Variants in RBFOX1 observed in about 807,000 individuals in gnomAD.
RBFOX1 encodes RNA binding fox-1 homolog 1.
RBFOX1 carries 8 observed loss-of-function variants against 57.7 expected under a neutral mutation model. The observed-to-expected ratio is 0.14, with a 90% CI of 0.08 to 0.25. The LOEUF (loss-of-function observed/expected upper bound fraction) is 0.25. RBFOX1 is among the 10% of genes least tolerant of loss of function. The pLI is 1.00. For missense variants in RBFOX1, 611 were observed against 548.5 expected (o/e 1.11, Z -1.14); for synonymous variants, 326 against 222.4 (o/e 1.47, Z -4.15).
chr16:6,904,653 A>T lies in RBFOX1; in HGVS notation c.-15-147404A>T, dbSNP rs192074436. Among the ~76,000 whole-genome samples the T allele has an allele frequency of 2.7e-5, 4 of 150,400 alleles. No homozygotes were observed. In the East Asian group the frequency reaches 7.8e-4, roughly 29 times the overall value. On this transcript the variant is annotated intron_variant, in intron 3 of 15. Coordinates refer to ENST00000550418, the MANE Select transcript of RBFOX1 (RefSeq NM_018723.4). ...AGAAGAAGAAGAAAGAAAAATTCAT[A>T]CATCTTGTACCTGAGGACTGTTTGG...
At chr16:6,254,541 C>A (rs2097648499) in intron 1 of RBFOX1, among the ~76,000 whole-genome samples, 1 of 152,112 alleles carries the variant, frequency 6.6e-6, no homozygotes, top group South Asian at 2.1e-4. Context: ...CCATCTTGGG[C>A]AAGGTGACTA....
intron 3 of RBFOX1, among the ~76,000 whole-genome samples, chr16:6,939,262 G>C (rs2077910722): frequency 1.3e-5 from 2 of 152,094 alleles, no homozygotes; most frequent in African/African-American, 4.8e-5. Context: ...AAATATTGCA[G>C]ACATGAGTGT....
At chr16:6,155,693 C>T (rs1219082692) in intron 1 of RBFOX1, among the ~76,000 whole-genome samples, 2 of 152,172 alleles carry the variant, frequency 1.3e-5, no homozygotes, top group African/African-American at 4.8e-5. Context: ...ATGACCCAGA[C>T]TCAGACTCCT....
intron 3 of RBFOX1, among the ~76,000 whole-genome samples, chr16:6,727,985 C>G (rs1215890488): frequency 1.3e-5 from 2 of 152,140 alleles, no homozygotes; most frequent in Non-Finnish European, 2.9e-5. Context: ...TCTTTAAATT[C>G]CCTATCTGTA....
At chr16:5,704,371 G>A (rs902029354) in intron 3 of RBFOX1, among the ~76,000 whole-genome samples, 13 of 152,066 alleles carry the variant, frequency 8.5e-5, no homozygotes, top group African/African-American at 2.9e-4. Context: ...GTAGCACACA[G>A]AGGGGCCCTG....
At chr16:6,729,066 C>T (rs561183860) in intron 3 of RBFOX1, among the ~76,000 whole-genome samples, 84 of 152,196 alleles carry the variant, frequency 5.5e-4, no homozygotes, top group African/African-American at 1.9e-3. Flanking sequence ...CTCACATATT[C>T]CCAGTGGCCT....
intron 2 of RBFOX1, among the ~76,000 whole-genome samples, chr16:6,581,579 C>T (rs7199986): frequency 0.52 from 79,335 of 151,940 alleles, 21,358 homozygotes; most frequent in East Asian, 0.67. Flanking sequence ...GGGCAGAAGG[C>T]GGATATCGAT....
chr16:5,945,178 T>C (rs914801801), intron 4 of RBFOX1, among the ~76,000 whole-genome samples: 2 of 152,014 alleles, frequency 1.3e-5, no homozygotes, highest in African/African-American at 4.8e-5. Flanking sequence ...ACAGAATTAC[T>C]CACAGGCTGA....
At chr16:5,971,761 T>G (rs577882699) in intron 4 of RBFOX1, among the ~76,000 whole-genome samples, 1 of 152,326 alleles carries the variant, frequency 6.6e-6, no homozygotes, top group East Asian at 1.9e-4. Context: ...ATGGTTAATT[T>G]TATGTGTCAA....
intron 3 of RBFOX1, among the ~76,000 whole-genome samples, chr16:6,952,701 G>A (rs929143261): frequency 6.6e-6 from 1 of 152,098 alleles, no homozygotes; most frequent in Non-Finnish European, 1.5e-5. Context: ...GGTAGGGCCG[G>A]GCACGGTGGC....
At chr16:6,446,297 C>G (rs965615436) in intron 2 of RBFOX1, among the ~76,000 whole-genome samples, 5 of 152,268 alleles carry the variant, frequency 3.3e-5, no homozygotes, top group Admixed American at 2.6e-4. Flanking sequence ...GCCACCACAC[C>G]TGGCCAGTAG....
At chr16:6,494,878 GTAGCATCCA>G (rs1321760583) in intron 2 of RBFOX1, among the ~76,000 whole-genome samples, 1 of 152,138 alleles carries the variant, frequency 6.6e-6, no homozygotes, top group African/African-American at 2.4e-5. Context: ...CAGCATTTAT[GTAGCATCCA>G]CCATATGCCA....
chr16:7,048,550 C>T (rs143590852), intron 3 of RBFOX1, among the ~76,000 whole-genome samples: 5 of 152,184 alleles, frequency 3.3e-5, no homozygotes, highest in Admixed American at 6.5e-5. Context: ...TGAGCCACCG[C>T]GCCCAGCTCC....
chr16:7,636,306 G>GT (rs931538755), intron 11 of RBFOX1, among the ~76,000 whole-genome samples: 2 of 152,150 alleles, frequency 1.3e-5, no homozygotes, highest in Non-Finnish European at 2.9e-5. Flanking sequence ...ATCTCAATTT[G>GT]TTTTAGTTTG....
intron 3 of RBFOX1, among the ~76,000 whole-genome samples, chr16:6,702,811 G>C (rs904735527): frequency 2.0e-5 from 3 of 152,112 alleles, no homozygotes; most frequent in African/African-American, 7.2e-5. Context: ...TTTAAATGTA[G>C]AGTTCAGTGG....
intron 3 of RBFOX1, among the ~76,000 whole-genome samples, chr16:5,812,160 T>A (rs536929185): frequency 6.6e-6 from 1 of 152,198 alleles, no homozygotes; most frequent in East Asian, 1.9e-4. Context: ...ACTGTATGGA[T>A]AGTGACTACA....
At chr16:7,554,342 A>C (rs577673180) in intron 5 of RBFOX1, among the ~76,000 whole-genome samples, 1 of 152,224 alleles carries the variant, frequency 6.6e-6, no homozygotes, top group Non-Finnish European at 1.5e-5. Flanking sequence ...TCCTTACAGC[A>C]ATCCTGTGTT....
chr16:7,170,538 G>C (rs754385213), intron 4 of RBFOX1, among the ~76,000 whole-genome samples: 1 of 152,072 alleles, frequency 6.6e-6, no homozygotes, highest in Non-Finnish European at 1.5e-5. Context: ...TTGCAAGTGC[G>C]AGCCACCACT....
intron 3 of RBFOX1, among the ~76,000 whole-genome samples, chr16:7,019,307 G>A (rs1045628460): frequency 1.3e-5 from 2 of 152,090 alleles, no homozygotes; most frequent in African/African-American, 4.8e-5. Flanking sequence ...TGTTTAGGAT[G>A]AAAAGGGATC....
Sources: allele counts gnomAD v4.1 joint callset (sites outside exome capture counted in the v4.1 genomes callset), GRCh38; gene constraint gnomAD v4.1.1; transcripts MANE v1.5; gene names NCBI Gene and HGNC (gene_info 2026-07-23, HGNC 2026-07-21).